Variants in ZC3H12B observed in about 807,000 individuals in gnomAD.
The protein encoded by ZC3H12B is zinc finger CCCH-type containing 12B, also known as probable ribonuclease ZC3H12B.
Under a neutral mutation model 43.9 loss-of-function variants are expected in ZC3H12B, and 7 were observed. The observed-to-expected ratio is 0.16, with a 90% CI of 0.09 to 0.30. ZC3H12B has a LOEUF of 0.30. ZC3H12B is among the 10% of genes least tolerant of loss of function. The pLI, the probability that ZC3H12B is intolerant of heterozygous loss-of-function variation, is 1.00. For missense variants in ZC3H12B, 475 were observed against 670.2 expected (o/e 0.71, Z 3.22); for synonymous variants, 222 against 241.7 (o/e 0.92, Z 0.76).
chrX:65,309,766 C>G, the ZC3H12B span, among the ~76,000 whole-genome samples: 1 of 111,978 alleles, frequency 8.9e-6, no homozygotes, highest in African/African-American at 3.2e-5. Flanking sequence ...TACTGGCAAA[C>G]AGAATCCAGC....
Position 65,501,681 on chromosome X carries a change from C to T in ZC3H12B, c.1091-108C>T, listed in dbSNP as rs370588544. 75 of 827,234 alleles carry T rather than the reference C, an allele frequency of 9.1e-5. No individual in the cohort carries two copies. In the East Asian group the frequency reaches 2.4e-3, roughly 26 times the overall value. The allele number at this position is 827,234 out of a possible 1,213,427, so 68.2% of individuals were successfully genotyped here. On this transcript the variant is annotated intron_variant, in intron 4 of 4. Transcript: ENST00000338957. ...GTGGACAGTTAATTTTCTGCCTTTACCCCAAACAGTAAAACCCTAACCTGA... is the reference window on the plus strand; with the variant it reads ...GTGGACAGTTAATTTTCTGCCTTTATCCCAAACAGTAAAACCCTAACCTGA...
the ZC3H12B span, among the ~76,000 whole-genome samples, chrX:65,266,510 A>G: frequency 8.9e-6 from 1 of 112,104 alleles, no homozygotes; most frequent in Non-Finnish European, 1.9e-5. Context: ...ACTTTTGCAA[A>G]ATTAGGGAAT....
the ZC3H12B span, among the ~76,000 whole-genome samples, chrX:65,127,534 AC>A: frequency 9.0e-6 from 1 of 110,934 alleles, no homozygotes; most frequent in Non-Finnish European, 1.9e-5. Context: ...CCCTAGGGAC[AC>A]CTGGTTAAGT....
the ZC3H12B span, among the ~76,000 whole-genome samples, chrX:65,318,258 G>T: frequency 1.9e-5 from 2 of 106,597 alleles, no homozygotes; most frequent in Admixed American, 2.0e-4. Context: ...GTTTTGATTT[G>T]CATTTCCCTG....
At chrX:65,327,141 T>TA in the ZC3H12B span, among the ~76,000 whole-genome samples, 1 of 111,293 alleles carries the variant, frequency 9.0e-6, no homozygotes, top group African/African-American at 3.3e-5. Flanking sequence ...CCAAAAGATT[T>TA]AAAATCAGTA....
the ZC3H12B span, among the ~76,000 whole-genome samples, chrX:65,175,512 T>C: frequency 8.9e-6 from 1 of 112,337 alleles, no homozygotes; most frequent in Non-Finnish European, 1.9e-5. Context: ...CAAAAACTTT[T>C]TTGAGCAAGT....
At chrX:65,380,677 G>T (rs1023942326) in intron 2 of ZC3H12B, among the ~76,000 whole-genome samples, 1 of 111,903 alleles carries the variant, frequency 8.9e-6, no homozygotes, top group Admixed American at 9.5e-5. Context: ...TGGATAAAGA[G>T]TCAAGACCCA....
the ZC3H12B span, chrX:65,327,882 T>A: frequency 8.0e-6 from 1 of 125,427 alleles, no homozygotes; most frequent in Non-Finnish European, 1.8e-5. Context: ...CAAACATCAA[T>A]TCTGTTATGC....
At chrX:65,385,654 T>G (rs1019499043) in intron 2 of ZC3H12B, among the ~76,000 whole-genome samples, 1 of 111,740 alleles carries the variant, frequency 8.9e-6, no homozygotes, top group Non-Finnish European at 1.9e-5. Flanking sequence ...CCTGCATGAT[T>G]GCTCTGGCCA....
chrX:65,269,323 G>A, the ZC3H12B span, among the ~76,000 whole-genome samples: 72 of 105,262 alleles, frequency 6.8e-4, no homozygotes, highest in African/African-American at 2.1e-3. Context: ...CCAGCCTGGC[G>A]ACAGAGCAAG....
chrX:65,119,508 G>C, the ZC3H12B span, among the ~76,000 whole-genome samples: 1 of 111,181 alleles, frequency 9.0e-6, no homozygotes, highest in African/African-American at 3.3e-5. Context: ...TTTTTTTCTT[G>C]TAAATTTGTT....
At chrX:65,474,303 C>A (rs987854360) in intron 3 of ZC3H12B, among the ~76,000 whole-genome samples, 3 of 110,678 alleles carry the variant, frequency 2.7e-5, no homozygotes, top group Admixed American at 9.7e-5. Context: ...TTTTGGTGAC[C>A]ATTTGCATGA....
chrX:65,374,011 C>CTA (rs1242055703), intron 2 of ZC3H12B, among the ~76,000 whole-genome samples: 8 of 23,907 alleles, frequency 3.3e-4, no homozygotes, highest in Non-Finnish European at 4.5e-4. Context: ...ATATATATAA[C>CTA]TATATATACA....
chrX:65,318,337 TCTTCTTTCTTCCTTCTTC>T, the ZC3H12B span, among the ~76,000 whole-genome samples: 60 of 110,410 alleles, frequency 5.4e-4, 1 homozygote, highest in African/African-American at 1.3e-3. Flanking sequence ...CCTTTTTTCT[TCTTCTTTCTTCCTTCTTC>T]CTTCTTTCTT....
chrX:65,376,784 C>T (rs1289149727), intron 2 of ZC3H12B, among the ~76,000 whole-genome samples: 1 of 111,142 alleles, frequency 9.0e-6, no homozygotes, highest in Non-Finnish European at 1.9e-5. Context: ...CCCAGAAAGC[C>T]TTCTCAAGAT....
At chrX:65,229,091 A>G in the ZC3H12B span, among the ~76,000 whole-genome samples, 1 of 110,434 alleles carries the variant, frequency 9.1e-6, no homozygotes. Context: ...TCCTAAGCCA[A>G]AAGAACAAAG....
chrX:65,104,845 G>T, the ZC3H12B span, among the ~76,000 whole-genome samples: 53 of 111,699 alleles, frequency 4.7e-4, no homozygotes, highest in African/African-American at 1.6e-3. Context: ...AAACAGTGTG[G>T]TGAGTCCTCA....
the ZC3H12B span, among the ~76,000 whole-genome samples, chrX:65,035,316 C>T: frequency 1.8e-5 from 2 of 111,992 alleles, no homozygotes; most frequent in Non-Finnish European, 1.9e-5. Context: ...GCCTTTCCGG[C>T]CTCCGTGGCC....
chrX:65,088,922 G>A, the ZC3H12B span, among the ~76,000 whole-genome samples: 1 of 111,256 alleles, frequency 9.0e-6, no homozygotes, highest in East Asian at 2.8e-4. Flanking sequence ...TCTGGAAAAT[G>A]GGGACAATTA....
Sources: allele counts gnomAD v4.1 joint callset (sites outside exome capture counted in the v4.1 genomes callset), GRCh38; gene constraint gnomAD v4.1.1; transcripts MANE v1.5; gene names NCBI Gene and HGNC (gene_info 2026-07-23, HGNC 2026-07-21).